CHST8: variants seen among roughly 807,000 people sequenced by gnomAD.
CHST8 encodes GALNAC-4-ST1.
Under a neutral mutation model 15.0 loss-of-function variants are expected in CHST8, and 10 were observed. That is an observed-to-expected ratio of 0.67 (90% confidence interval 0.41 to 1.13). The LOEUF is 1.13. Among genes scored for constraint, CHST8 ranks in the 50% most tolerant of loss-of-function variants. The probability of loss-of-function intolerance (pLI) is 0.00; values close to 1 mark genes in which losing one functional copy is unlikely to be tolerated. For synonymous variants in CHST8, 259 were observed against 256.6 expected (o/e 1.01, Z -0.09); for missense variants, 634 against 608.2 (o/e 1.04, Z -0.45).
intron 1 of CHST8, among the ~76,000 whole-genome samples, chr19:33,651,248 T>C (rs1413166776): frequency 1.3e-5 from 2 of 152,204 alleles, no homozygotes; most frequent in African/African-American, 4.8e-5. Flanking sequence ...TTTTCATTTC[T>C]AGGTGAATTG....
rs771403923 is a variant in CHST8 at position 33,772,672 on chromosome 19, C to A, written c.884C>A (p.Ala295Asp). The change falls in exon 5 of 5, where the codon GCC (alanine) becomes GAC (aspartate). Residue 295 changes from alanine (A) to aspartate (D), a missense_variant. Coordinates refer to ENST00000650847, the MANE Select transcript of CHST8 (RefSeq NM_001127895.2). ...ATCCTGGCCCGGTACCGCGCCAATG[C>A]CTCTCGGGAGGCCCTGCGGACCGGC... ...KAILARYRAN[A>D]SREALRTGSG... 1 of 1,613,730 alleles carries A rather than the reference C, an allele frequency of 6.2e-7. No individual in the cohort carries two copies. The highest frequency in any genetic ancestry group is 1.3e-5 in the African/African-American group (1 of 74,954).
chr19:33,749,651 G>C (rs1568354445), intron 3 of CHST8, among the ~76,000 whole-genome samples: 1 of 152,066 alleles, frequency 6.6e-6, no homozygotes, highest in Admixed American at 6.5e-5. Context: ...CAGTAACTTG[G>C]GCAGGTCCTG....
intron 3 of CHST8, among the ~76,000 whole-genome samples, chr19:33,754,847 G>T (rs186618306): frequency 3.3e-4 from 51 of 152,348 alleles, no homozygotes; most frequent in Admixed American, 1.1e-3. Flanking sequence ...GTTGATTGCA[G>T]ATGATGTGAA....
intron 1 of CHST8, among the ~76,000 whole-genome samples, chr19:33,628,029 C>T (rs1972078750): frequency 2.6e-5 from 4 of 151,956 alleles, no homozygotes; most frequent in Non-Finnish European, 4.4e-5. Flanking sequence ...ATGAGACCTA[C>T]CAAAGAGCAA....
chr19:33,712,816 G>A (rs947653149), intron 3 of CHST8, among the ~76,000 whole-genome samples: 1 of 152,112 alleles, frequency 6.6e-6, no homozygotes, highest in African/African-American at 2.4e-5. Flanking sequence ...CCCAACTTTG[G>A]TGCTGGGATC....
chr19:33,720,419 A>G (rs896137438), intron 3 of CHST8, among the ~76,000 whole-genome samples: 8 of 151,500 alleles, frequency 5.3e-5, no homozygotes, highest in Non-Finnish European at 1.0e-4. Context: ...CATGTACCAC[A>G]CACATGCACC....
chr19:33,661,560 C>T (rs999750766), intron 1 of CHST8, among the ~76,000 whole-genome samples: 6 of 152,152 alleles, frequency 3.9e-5, no homozygotes, highest in African/African-American at 1.4e-4. Flanking sequence ...CCTAGCCCCC[C>T]ATGGCTGGGC....
chr19:33,672,031 G>GTA (rs1212988567), intron 2 of CHST8, among the ~76,000 whole-genome samples: 4 of 151,878 alleles, frequency 2.6e-5, no homozygotes, highest in East Asian at 3.9e-4. Context: ...GTGTATGTAT[G>GTA]TATATATATG....
intron 1 of CHST8, among the ~76,000 whole-genome samples, chr19:33,631,558 G>C (rs1489257757): frequency 6.6e-6 from 1 of 152,162 alleles, no homozygotes; most frequent in African/African-American, 2.4e-5. Context: ...CTTGGTGTGC[G>C]TGGTAAATTG....
chr19:33,636,538 G>C (rs1019358990), intron 1 of CHST8, among the ~76,000 whole-genome samples: 1 of 152,164 alleles, frequency 6.6e-6, no homozygotes, highest in Admixed American at 6.5e-5. Flanking sequence ...CAGACCCCAA[G>C]AGAGGGTTCT....
Position 33,771,403 on chromosome 19 carries a change from T to C in CHST8, c.131-10T>C. 1 of 1,614,060 alleles carries C rather than the reference T, an allele frequency of 6.2e-7. No individual in the cohort carries two copies. The highest frequency in any genetic ancestry group is 8.5e-7 in the Non-Finnish European group (1 of 1,179,934). ...CGCTAATACTGTCCTCTCCTCTGTTTGCTTTTCAGGAATAAAGTTCAACAT... is the reference window on the plus strand; with the variant it reads ...CGCTAATACTGTCCTCTCCTCTGTTCGCTTTTCAGGAATAAAGTTCAACAT... On this transcript the variant is annotated splice_polypyrimidine_tract_variant and intron_variant, in intron 3 of 4. Transcript: ENST00000650847.
chr19:33,763,055 GA>G (rs955549488), intron 3 of CHST8, among the ~76,000 whole-genome samples: 35 of 152,140 alleles, frequency 2.3e-4, no homozygotes, highest in African/African-American at 8.4e-4. Flanking sequence ...TTTTAGTAGA[GA>G]CAGGGTTTCA....
At chr19:33,667,649 C>G (rs886370697) in intron 1 of CHST8, 118 bp from the exon 2 acceptor site, 3 of 152,152 alleles carry the variant, frequency 2.0e-5, no homozygotes, top group South Asian at 2.1e-4. Context: ...AATCATTACC[C>G]GCAGCACAGA....
intron 1 of CHST8, among the ~76,000 whole-genome samples, chr19:33,652,533 G>A (rs1041000822): frequency 1.3e-5 from 2 of 151,838 alleles, no homozygotes; most frequent in South Asian, 2.1e-4. Context: ...CCAGCAACAC[G>A]CCCGGCTAAT....
intron 3 of CHST8, among the ~76,000 whole-genome samples, chr19:33,739,012 G>T (rs1006858227): frequency 2.6e-5 from 4 of 152,074 alleles, no homozygotes; most frequent in Admixed American, 6.5e-5. Context: ...TTCCAGTAGG[G>T]TTCCCCAGTA....
intron 1 of CHST8, among the ~76,000 whole-genome samples, chr19:33,636,706 G>A (rs781379703): frequency 7.2e-5 from 11 of 152,146 alleles, no homozygotes; most frequent in African/African-American, 1.2e-4. Flanking sequence ...TTCGAGACGA[G>A]CCCGGCTAAC....
At chr19:33,704,885 G>T (rs1225208122) in intron 3 of CHST8, among the ~76,000 whole-genome samples, 1 of 151,040 alleles carries the variant, frequency 6.6e-6, no homozygotes, top group Non-Finnish European at 1.5e-5. Context: ...TTCCAGCTTG[G>T]GCGACAGAGT....
chr19:33,641,311 G>A (rs1259581566), intron 1 of CHST8, among the ~76,000 whole-genome samples: 1 of 152,174 alleles, frequency 6.6e-6, no homozygotes, highest in Non-Finnish European at 1.5e-5. Flanking sequence ...AGTCCTCGGG[G>A]AACAGGATTG....
intron 2 of CHST8, among the ~76,000 whole-genome samples, chr19:33,688,328 G>T (rs758248422): frequency 2.6e-5 from 4 of 152,234 alleles, no homozygotes; most frequent in Non-Finnish European, 5.9e-5. Context: ...GAGGAAGCGG[G>T]GTAAGGGGTG....
Sources: gnomAD v4.1 joint callset for allele counts (sites outside exome capture counted in the v4.1 genomes callset) on GRCh38, gnomAD v4.1.1 for gene constraint, MANE v1.5 for transcripts, NCBI Gene and HGNC (gene_info 2026-07-23, HGNC 2026-07-21) for gene names.